Variants in GRB2 observed in about 807,000 individuals in gnomAD.
GRB2 encodes growth factor receptor-bound protein 2.
GRB2 carries 2 observed loss-of-function variants against 27.4 expected under a neutral mutation model. That is an observed-to-expected ratio of 0.07 (90% CI 0.03 to 0.23). The LOEUF is 0.23. Ranked by LOEUF, GRB2 falls within the 10% of genes least tolerant of loss-of-function variation. GRB2 has a pLI of 1.00. For missense variants in GRB2, 102 were observed against 282.4 expected, an observed-to-expected ratio of 0.36 and a Z score of 4.58; for synonymous variants, 94 against 99.6, an observed-to-expected ratio of 0.94 and a Z score of 0.33.
intron 1 of GRB2, among the ~76,000 whole-genome samples, chr17:75,399,864 G>C (rs1369820331): frequency 6.6e-6 from 1 of 150,566 alleles, no homozygotes; most frequent in African/African-American, 2.5e-5. Context: ...TAGAGACATG[G>C]TTTCACCATG....
chr17:75,397,354 C>T (rs2079034997), intron 1 of GRB2, among the ~76,000 whole-genome samples: 3 of 152,122 alleles, frequency 2.0e-5, no homozygotes, highest in Admixed American at 6.5e-5. Context: ...GTTCACTTCC[C>T]AAGAAAATGG....
intron 2 of GRB2, among the ~76,000 whole-genome samples, chr17:75,390,419 T>C (rs947026337): frequency 6.6e-6 from 1 of 152,186 alleles, no homozygotes; most frequent in Admixed American, 6.5e-5. Flanking sequence ...CCTCTGGGAC[T>C]GTCTCAAGCC....
Position 75,340,225 on chromosome 17 carries a change from T to C in GRB2, c.79-7428A>G, listed in dbSNP as rs945615074. On this transcript the variant is annotated intron_variant, in intron 2 of 5. Coordinates refer to ENST00000316804, the MANE Select transcript of GRB2 (RefSeq NM_002086.5). ...AAAGTTTTATCAATCTGTGAAGCAA[T>C]TTGTGTGAGAACATTTGTGCATGAA... Among the ~76,000 whole-genome samples, 5 of 152,204 alleles carry C rather than the reference T, an allele frequency of 3.3e-5. No individual in the cohort carries two copies. The East Asian group carries it at 9.6e-4, about 29-fold the overall frequency.
chr17:75,346,369 G>A (rs1029537628), intron 2 of GRB2, among the ~76,000 whole-genome samples: 5 of 151,696 alleles, frequency 3.3e-5, no homozygotes, highest in Non-Finnish European at 7.4e-5. Context: ...GGTGGCGGGC[G>A]CCTGTAGTCC....
At chr17:75,376,332 G>A (rs2078893444) in intron 2 of GRB2, among the ~76,000 whole-genome samples, 1 of 113,222 alleles carries the variant, frequency 8.8e-6, no homozygotes, top group Admixed American at 1.2e-4. Context: ...GTGACAGACA[G>A]AGACTCTGTC....
intron 2 of GRB2, among the ~76,000 whole-genome samples, chr17:75,341,790 T>C (rs1283645676): frequency 6.6e-6 from 1 of 152,152 alleles, no homozygotes; most frequent in Non-Finnish European, 1.5e-5. Flanking sequence ...AGGGAAACAT[T>C]GGTGAGTCAG....
chr17:75,367,890 G>GT (rs200988188), intron 2 of GRB2, among the ~76,000 whole-genome samples: 1,795 of 148,954 alleles, frequency 0.012, 91 homozygotes, highest in Admixed American at 0.09. Context: ...CGTTGTTTTG[G>GT]TTTTTTTTTT....
chr17:75,346,457 C>G (rs1267291769), intron 2 of GRB2, among the ~76,000 whole-genome samples: 1 of 151,922 alleles, frequency 6.6e-6, no homozygotes, highest in Non-Finnish European at 1.5e-5. Context: ...GACTGCGCCA[C>G]TGCATTCCAG....
chr17:75,345,483 C>A (rs2078649223), intron 2 of GRB2, among the ~76,000 whole-genome samples: 1 of 152,186 alleles, frequency 6.6e-6, no homozygotes, highest in Admixed American at 6.5e-5. Flanking sequence ...ATGTTGGTCA[C>A]AGAACTATTC....
chr17:75,350,561 G>A (rs956472350), intron 2 of GRB2, among the ~76,000 whole-genome samples: 2 of 152,014 alleles, frequency 1.3e-5, no homozygotes, highest in Admixed American at 1.3e-4. Flanking sequence ...GCGCGATCTC[G>A]GCTCACTGCA....
chr17:75,386,126 T>C (rs1056837169), intron 2 of GRB2, among the ~76,000 whole-genome samples: 2 of 150,436 alleles, frequency 1.3e-5, no homozygotes, highest in East Asian at 3.9e-4. Flanking sequence ...AATAAATTCT[T>C]TTTTTTTTTG....
chr17:75,365,353 C>T (rs896430193), intron 2 of GRB2, among the ~76,000 whole-genome samples: 2 of 152,190 alleles, frequency 1.3e-5, no homozygotes, highest in Non-Finnish European at 2.9e-5. Context: ...TTTAAATCTT[C>T]CTGGACAGAA....
chr17:75,401,556 T>A (rs576928938), intron 1 of GRB2, among the ~76,000 whole-genome samples: 1 of 152,308 alleles, frequency 6.6e-6, no homozygotes, highest in South Asian at 2.1e-4. Context: ...ATTTTCATTA[T>A]TTTTACAATA....
At chr17:75,399,688 T>C (rs1168247553) in intron 1 of GRB2, among the ~76,000 whole-genome samples, 1 of 150,906 alleles carries the variant, frequency 6.6e-6, no homozygotes, top group Non-Finnish European at 1.5e-5. Context: ...ATTTATTTTT[T>C]TGAGACAGAG....
At chr17:75,383,619 G>T (rs747685902) in intron 2 of GRB2, among the ~76,000 whole-genome samples, 1 of 152,166 alleles carries the variant, frequency 6.6e-6, no homozygotes, top group East Asian at 1.9e-4. Context: ...TGAGGCAGGC[G>T]GATCACAAGG....
At chr17:75,364,413 T>C (rs2078806318) in intron 2 of GRB2, among the ~76,000 whole-genome samples, 1 of 152,214 alleles carries the variant, frequency 6.6e-6, no homozygotes, top group African/African-American at 2.4e-5. Context: ...TTCACAACTC[T>C]GTAAGGTGTA....
chr17:75,327,811 G>T (rs549876261), intron 3 of GRB2, among the ~76,000 whole-genome samples: 2 of 152,188 alleles, frequency 1.3e-5, no homozygotes, highest in Admixed American at 6.5e-5. Context: ...CCTTGTGTGT[G>T]TGTGTCAGCC....
At chr17:75,399,274 A>G (rs1598258760) in intron 1 of GRB2, among the ~76,000 whole-genome samples, 1 of 150,712 alleles carries the variant, frequency 6.6e-6, no homozygotes, top group African/African-American at 2.5e-5. Flanking sequence ...GCTGATCTCA[A>G]ACTCCTGGAC....
chr17:75,383,057 T>C (rs539534322), intron 2 of GRB2, among the ~76,000 whole-genome samples: 1 of 151,708 alleles, frequency 6.6e-6, no homozygotes, highest in South Asian at 2.1e-4. Flanking sequence ...ACGCCTATTC[T>C]CATTATTGAG....
Sources: allele counts gnomAD v4.1 joint callset (sites outside exome capture counted in the v4.1 genomes callset), GRCh38; gene constraint gnomAD v4.1.1; transcripts MANE v1.5; gene names NCBI Gene and HGNC (gene_info 2026-07-23, HGNC 2026-07-21).